The following BCL2 variants were observed in gnomAD, a reference collection of about 807,000 sequenced individuals.
The protein encoded by BCL2 is apoptosis regulator Bcl-2.
Under a neutral mutation model 14.2 loss-of-function variants are expected in BCL2, and 1 was observed. That is an observed-to-expected ratio of 0.07 (90% confidence interval 0.02 to 0.33). BCL2 has a LOEUF of 0.33. BCL2 is among the 10% of genes least tolerant of loss of function. The pLI is 0.99. For synonymous variants in BCL2, 151 were observed against 137.2 expected (o/e 1.10, Z -0.70); for missense variants, 247 against 305.9 (o/e 0.81, Z 1.44).
Position 63,318,307 on chromosome 18 carries a change from G to T in BCL2, c.360C>A (p.His120Gln). Residue 120 changes from histidine (H) to glutamine (Q), a missense_variant, in exon 2 of 3, where the codon CAC becomes CAA. This residue lies in a region of BCL2 where 67 missense variants were observed against 145.7 expected (regional missense o/e 0.46). Coordinates refer to ENST00000333681, the MANE Select transcript of BCL2 (RefSeq NM_000633.3). This position sits in a 1 kb window ranked among gnomAD's most constrained non-coding sequence, Gnocchi z 7.4. ...GTCCCCGCGCGGTGAAGGGCGTCAG[G>T]TGCAGCTGGCTGGACATCTCGGCGA... ...RDFAEMSSQL[H>Q]LTPFTARGRF... 6.2e-7 allele frequency: 1 copy of T among 1,614,114 alleles called. No homozygotes were observed. The highest frequency in any genetic ancestry group is 1.1e-5 in the South Asian group (1 of 91,048).
chr18:63,150,846 T>C (rs1011052745), intron 2 of BCL2, among the ~76,000 whole-genome samples: 6 of 152,078 alleles, frequency 3.9e-5, no homozygotes, highest in Admixed American at 3.9e-4. Flanking sequence ...GTTATCAGGT[T>C]TGGGGGTGAG....
chr18:63,203,838 T>C (rs1360114681), intron 2 of BCL2, among the ~76,000 whole-genome samples: 2 of 152,256 alleles, frequency 1.3e-5, no homozygotes, highest in Non-Finnish European at 2.9e-5. Context: ...CAGACATACT[T>C]GTATTTCTTC....
At chr18:63,309,069 G>A (rs1288862035) in intron 2 of BCL2, among the ~76,000 whole-genome samples, 1 of 152,146 alleles carries the variant, frequency 6.6e-6, no homozygotes, top group Non-Finnish European at 1.5e-5. Flanking sequence ...TCATTAAGTT[G>A]GCAAACTGGT....
chr18:63,305,528 T>G (rs1036378128), intron 2 of BCL2, among the ~76,000 whole-genome samples: 1 of 152,170 alleles, frequency 6.6e-6, no homozygotes, highest in Non-Finnish European at 1.5e-5. Flanking sequence ...AGGGTTGTTG[T>G]GAAGATCAAA....
intron 2 of BCL2, among the ~76,000 whole-genome samples, chr18:63,237,087 C>G (rs1910858767): frequency 6.6e-6 from 1 of 152,152 alleles, no homozygotes; most frequent in Non-Finnish European, 1.5e-5. Flanking sequence ...AGCAACAGTT[C>G]CTGGTGGCGG....
At chr18:63,272,473 C>G (rs116424485) in intron 2 of BCL2, among the ~76,000 whole-genome samples, 1 of 152,204 alleles carries the variant, frequency 6.6e-6, no homozygotes, top group African/African-American at 2.4e-5. Context: ...CAAAAAACTT[C>G]GGGTAAACAT....
At chr18:63,139,384 T>A (rs1914297903) in intron 2 of BCL2, among the ~76,000 whole-genome samples, 1 of 152,224 alleles carries the variant, frequency 6.6e-6, no homozygotes, top group Admixed American at 6.5e-5. Context: ...GACCTTGAAA[T>A]CTCATCTTCA....
intron 2 of BCL2, chr18:63,208,076 A>G (rs1430761726): frequency 6.6e-6 from 1 of 152,154 alleles, no homozygotes; most frequent in Non-Finnish European, 1.5e-5. Context: ...TCTCTGATAG[A>G]TTTTAGCCAA....
Position 63,266,656 on chromosome 18 carries a change from C to CACACAAAA in BCL2, c.585+51425_585+51426insTTTTGTGT, listed in dbSNP as rs768525120. 8.4e-4 allele frequency among the ~76,000 whole-genome samples: 126 copies of CACACAAAA among 150,412 alleles called. 2 individuals are homozygous for CACACAAAA. The highest frequency in any genetic ancestry group is 3.0e-3 in the African/African-American group (122 of 40,828). On this transcript the variant is annotated intron_variant, in intron 2 of 2. Coordinates refer to ENST00000333681, the MANE Select transcript of BCL2 (RefSeq NM_000633.3). ...TCTCTCTCACACACACACACACACA[C>CACACAAAA]AAAAATATATATATTTATACTACAT...
intron 2 of BCL2, among the ~76,000 whole-genome samples, chr18:63,271,734 C>G (rs986862497): frequency 2.0e-5 from 3 of 152,200 alleles, no homozygotes; most frequent in Non-Finnish European, 4.4e-5. Context: ...TTATTTCAAA[C>G]CAAGCTAGCA....
At chr18:63,305,711 A>G (rs2144293612) in intron 2 of BCL2, among the ~76,000 whole-genome samples, 1 of 152,288 alleles carries the variant, frequency 6.6e-6, no homozygotes, top group East Asian at 1.9e-4. Flanking sequence ...GATTTATCAC[A>G]CGGTGAATTC....
At chr18:63,235,052 G>C (rs1171041288) in intron 2 of BCL2, among the ~76,000 whole-genome samples, 1 of 152,168 alleles carries the variant, frequency 6.6e-6, no homozygotes, top group Non-Finnish European at 1.5e-5. Flanking sequence ...AGGAAATCCT[G>C]ACTACTCGGT....
Position 63,212,467 on chromosome 18 carries a change from T to A in BCL2, c.586-83708A>T, listed in dbSNP as rs1272238681. The stretch of plus-strand genomic sequence containing the variant: ...TTTAACAGCCACGTGAAGTAGACAG[T>A]CTCATTTTAGAGATCAGAAAACCAA... On this transcript the variant is annotated intron_variant, in intron 2 of 2. Coordinates refer to ENST00000333681, the MANE Select transcript of BCL2 (RefSeq NM_000633.3). Among the ~76,000 whole-genome samples the A allele has an allele frequency of 5.3e-5, 8 of 151,676 alleles. 1 individual carries two copies.
chr18:63,146,297 G>A (rs1239861790), intron 2 of BCL2, among the ~76,000 whole-genome samples: 1 of 152,238 alleles, frequency 6.6e-6, no homozygotes, highest in African/African-American at 2.4e-5. Context: ...CGCAGCCAGG[G>A]CTTGGCCATA....
At position 63,189,592 on chromosome 18, in the gene BCL2, A is replaced by C. The variant is rs73471320; in HGVS notation, c.586-60833T>G. ...CTGAATGTTTTTCTGCGTTAGGCTC[A>C]GCACTAGGGGGCTTTTCATACATTA... On this transcript the variant is annotated intron_variant, in intron 2 of 2. Transcript: ENST00000333681. 5.8e-3 allele frequency among the ~76,000 whole-genome samples: 881 copies of C among 152,222 alleles called. 7 individuals carry two copies. Among genetic ancestry groups the C allele is most frequent in the African/African-American group, 0.02 (844 of 41,506 alleles).
At chr18:63,160,978 T>G (rs750073597) in intron 2 of BCL2, among the ~76,000 whole-genome samples, 4 of 152,204 alleles carry the variant, frequency 2.6e-5, no homozygotes, top group Non-Finnish European at 5.9e-5. Context: ...CTGAATTCTA[T>G]GTCTTCACGG....
At chr18:63,163,570 G>A (rs749149722) in intron 2 of BCL2, among the ~76,000 whole-genome samples, 13 of 152,210 alleles carry the variant, frequency 8.5e-5, no homozygotes, top group East Asian at 1.9e-4. Flanking sequence ...AAATTTGATT[G>A]CATGTTGCCT....
rs73963707 is a variant in BCL2, at chr18:63,178,520, A to G, written c.586-49761T>C. Among the ~76,000 whole-genome samples, 585 of 152,324 alleles carry G rather than the reference A, an allele frequency of 3.8e-3. 2 individuals carry two copies. The highest frequency in any genetic ancestry group is 0.013 in the African/African-American group (541 of 41,576). On this transcript the variant is annotated intron_variant, in intron 2 of 2. Coordinates refer to ENST00000333681, the MANE Select transcript of BCL2 (RefSeq NM_000633.3). ...AATTACCTGCCTGAGATCCTGGGAA[A>G]GTAAAACTTCCTGGTTTCTTTGCCA...
At chr18:63,299,047 T>A (rs977172450) in intron 2 of BCL2, among the ~76,000 whole-genome samples, 1 of 152,208 alleles carries the variant, frequency 6.6e-6, no homozygotes, top group African/African-American at 2.4e-5. Flanking sequence ...TGTTCTCATC[T>A]GCAAGACAAG....
Sources: allele counts gnomAD v4.1 joint callset (sites outside exome capture counted in the v4.1 genomes callset), GRCh38; gene constraint gnomAD v4.1.1; regional missense constraint gnomAD v4.1.1; non-coding constraint Gnocchi (gnomAD v3.1); transcripts MANE v1.5; gene names NCBI Gene and HGNC (gene_info 2026-07-23, HGNC 2026-07-21).